The following ING4 variants were observed in gnomAD, a reference collection of about 807,000 sequenced individuals.
ING4 encodes inhibitor of growth family member 4, also known as inhibitor of growth protein 4.
In ING4, 28 loss-of-function variants were observed where a neutral mutation model predicts 33.1. The observed-to-expected ratio is 0.85, with a 90% CI of 0.63 to 1.16. ING4 has a LOEUF of 1.16. ING4 is among the 50% of genes most tolerant of loss of function. The pLI is 0.00. For synonymous variants in ING4, 87 were observed against 104.4 expected (o/e 0.83, Z 1.02); for missense variants, 247 against 314.7 (o/e 0.78, Z 1.63).
At chr12:6,656,892 G>T in intron 1 of ING4, 94 bp from the exon 2 acceptor site, 1 of 726,898 alleles carries the variant, frequency 1.4e-6, no homozygotes, top group Non-Finnish European at 2.2e-6. Context: ...GGTGGCTCAC[G>T]CCTGCAATCC....
intron 1 of ING4, among the ~76,000 whole-genome samples, chr12:6,660,143 A>C (rs1457768099): frequency 6.6e-6 from 1 of 152,090 alleles, no homozygotes; most frequent in Non-Finnish European, 1.5e-5. Context: ...ATCTCTTGCC[A>C]AGACTCCACC....
intron 2 of ING4, chr12:6,655,637 C>T: frequency 4.4e-6 from 5 of 1,144,580 alleles, no homozygotes. Context: ...CTGGTTCTCA[C>T]CATTCGGCAG....
rs1444528495 is a variant in ING4 at position 6,656,656 on chromosome 12, G to A, written c.109+71C>T. 18 of 863,424 alleles carry A rather than the reference G, an allele frequency of 2.1e-5. 1 individual carries two copies. Among genetic ancestry groups the A allele is most frequent in the Middle Eastern group, 2.2e-4 (1 of 4,586 alleles). 53.5% of individuals were successfully genotyped at this position (863,424 alleles called of 1,614,324 possible). On this transcript the variant is annotated intron_variant, in intron 2 of 7. Transcript: ENST00000341550. ...TCTCCAGATCATACCAGATGATACG[G>A]TAACATCAAGTAGAAAAATAAATGA...
chr12:6,661,832 C>G (rs146215840), intron 1 of ING4, among the ~76,000 whole-genome samples: 1 of 152,302 alleles, frequency 6.6e-6, no homozygotes, highest in African/African-American at 2.4e-5. Flanking sequence ...CTAAATACTT[C>G]TGTAACTCCC....
At chr12:6,652,579 C>A (rs940646597) in intron 5 of ING4, 83 bp downstream of exon 5, 3 of 1,398,032 alleles carry the variant, frequency 2.1e-6, no homozygotes, top group Non-Finnish European at 3.0e-6. Context: ...ATATAGAAAG[C>A]GGCAGGGGGC....
Position 6,653,265 on chromosome 12 carries a change from C to T in ING4, c.241G>A (p.Asp81Asn), listed in dbSNP as rs746690936. The T allele has an allele frequency of 7.4e-6, 12 of 1,614,150 alleles. No homozygotes were observed. The East Asian group carries it at 1.3e-4, about 18-fold the overall frequency. Residue 81 changes from aspartate (D) to asparagine (N), a missense_variant, in exon 3 of 8, where the codon GAC becomes AAC. Asp to Asn is a conservative substitution (Grantham distance 23). Around this residue, in one of 3 missense-constraint regions of ING4, gnomAD observed 198 missense variants for 221.2 expected, o/e 0.89. Transcript: ENST00000341550. Reference protein sequence around the residue: ...AYGKCKEFGDDKVQLAMQTYE... With the variant: ...AYGKCKEFGDNKVQLAMQTYE... ...GTCTGCATGGCAAGCTGCACCTTGT[C>T]GTCACCAAATTCCTTGCACTTGCCA...
intron 1 of ING4, among the ~76,000 whole-genome samples, chr12:6,660,686 A>G (rs569785620): frequency 1.1e-4 from 16 of 152,208 alleles, no homozygotes; most frequent in African/African-American, 3.9e-4. Flanking sequence ...TAAACCTACA[A>G]CTTCAGGTCT....
At chr12:6,657,197 C>T (rs958222039) in intron 1 of ING4, among the ~76,000 whole-genome samples, 1 of 151,926 alleles carries the variant, frequency 6.6e-6, no homozygotes, top group Non-Finnish European at 1.5e-5. Context: ...CACCTGTAAT[C>T]CCAGCACTTT....
rs781235583 is a variant in ING4 at position 6,652,955 on chromosome 12, A to C, written c.372T>G (p.Ser124=). 12 of 1,613,406 alleles carry C rather than the reference A, an allele frequency of 7.4e-6. No individual in the cohort carries two copies. In the South Asian group the frequency reaches 8.8e-5, roughly 12 times the overall value. Reference sequence around the variant, plus strand: ...CCTCACTCTTTTTGCCTTTGCTGGAAGAGCTGTCATAGTCACTTGACTCAA... The same window carrying C: ...CCTCACTCTTTTTGCCTTTGCTGGACGAGCTGTCATAGTCACTTGACTCAA... ...KQIESSDYDS[S]SSKGKKSRTQ... is the part of the protein sequence containing the mutation. Residue 124 remains serine, a synonymous_variant, in exon 4 of 8, where the codon TCT becomes TCG. Transcript: ENST00000341550.
intron 2 of ING4, among the ~76,000 whole-genome samples, chr12:6,656,171 CTTT>C (rs199755461): frequency 7.1e-5 from 10 of 141,020 alleles, no homozygotes; most frequent in Admixed American, 2.9e-4. Flanking sequence ...TTTAATTCTT[CTTT>C]TTTTTTTTTT....
intron 2 of ING4, chr12:6,655,542 C>T: frequency 1.0e-6 from 1 of 997,716 alleles, no homozygotes; most frequent in South Asian, 2.8e-5. Context: ...TTGGAAGAAG[C>T]TGAAAAAGCA....
intron 5 of ING4, 80 bp downstream of exon 5, chr12:6,652,582 C>T: frequency 7.0e-7 from 1 of 1,419,198 alleles, no homozygotes; most frequent in Non-Finnish European, 9.9e-7. Context: ...TAGAAAGCGG[C>T]AGGGGGCGGT....
intron 6 of ING4, 28 bp downstream of exon 6, chr12:6,652,243 C>G (rs760710150): frequency 6.2e-7 from 1 of 1,608,660 alleles, no homozygotes; most frequent in Non-Finnish European, 8.5e-7. Context: ...CCTCACAACC[C>G]CCCATCCTAA....
In ING4 at chr12:6,653,289, C is replaced by T; in HGVS notation, c.217G>A (p.Gly73Ser). Residue 73 changes from glycine (G) to serine (S), a missense_variant, in exon 3 of 8, where the codon GGC becomes AGC. Around this residue, in one of 3 missense-constraint regions of ING4, gnomAD observed 198 missense variants for 221.2 expected, o/e 0.89. Coordinates refer to ENST00000341550, the MANE Select transcript of ING4 (RefSeq NM_016162.4). ...ALLKQIQEAYGKCKEFGDDKV... is the reference protein window; with the variant it reads ...ALLKQIQEAYSKCKEFGDDKV... ...TCGTCACCAAATTCCTTGCACTTGC[C>T]ATAGGCTTCCTGGATCTGTTTGAGA... 1.2e-6 allele frequency: 2 copies of T among 1,614,124 alleles called. No homozygotes were observed. Among genetic ancestry groups the T allele is most frequent in the Non-Finnish European group, 1.7e-6 (2 of 1,180,036 alleles).
chr12:6,660,014 A>T (rs1451386908), intron 1 of ING4, among the ~76,000 whole-genome samples: 1 of 152,224 alleles, frequency 6.6e-6, no homozygotes, highest in African/African-American at 2.4e-5. Flanking sequence ...CCCAGGCCGA[A>T]CATGGCTATC....
At chr12:6,651,516 C>A in intron 6 of ING4, 131 bp from the exon 7 acceptor site, 1 of 710,298 alleles carries the variant, frequency 1.4e-6, no homozygotes, top group Non-Finnish European at 2.4e-6. Flanking sequence ...AGTCCCAAGG[C>A]CAACCAGTTC....
At chr12:6,652,583 A>AG in intron 5 of ING4, 79 bp downstream of exon 5, 1 of 1,420,478 alleles carries the variant, frequency 7.0e-7, no homozygotes, top group Non-Finnish European at 9.9e-7. Flanking sequence ...AGAAAGCGGC[A>AG]GGGGGCGGTG....
intron 1 of ING4, 152 bp from the exon 2 acceptor site, chr12:6,656,950 C>T (rs1407575255): frequency 5.9e-6 from 3 of 505,524 alleles, no homozygotes; most frequent in Non-Finnish European, 1.0e-5. Context: ...GCCAGGAGTT[C>T]AAGACCAGCC....
rs1320341283 is a variant in ING4 at position 6,651,217 on chromosome 12, G to A, written c.725C>T (p.Ser242Phe). 5.6e-6 allele frequency: 9 copies of A among 1,614,234 alleles called. No individual in the cohort carries two copies. The highest frequency in any genetic ancestry group is 7.6e-6 in the Non-Finnish European group (9 of 1,180,036). Residue 242 changes from serine to phenylalanine, a missense_variant, in exon 8 of 8, where the codon TCC becomes TTC. Ser to Phe is a radical substitution (Grantham distance 155, BLOSUM62 -2). Around this residue, in one of 3 missense-constraint regions of ING4, gnomAD observed 38 missense variants for 49.7 expected, o/e 0.77. Coordinates refer to ENST00000341550, the MANE Select transcript of ING4 (RefSeq NM_016162.4). ...PRGKWFCPRCSQERKKK is the reference protein window; with the variant it reads ...PRGKWFCPRCFQERKKK ...TATCTATTTCTTCTTCCGTTCTTGGGAGCAGCGTGGGCAAAACCTGAAACA... is the reference window on the plus strand; with the variant it reads ...TATCTATTTCTTCTTCCGTTCTTGGAAGCAGCGTGGGCAAAACCTGAAACA...
Sources: gnomAD v4.1 joint callset for allele counts (sites outside exome capture counted in the v4.1 genomes callset) on GRCh38, gnomAD v4.1.1 for gene constraint, gnomAD v4.1.1 regional missense constraint, MANE v1.5 for transcripts, NCBI Gene and HGNC (gene_info 2026-07-23, HGNC 2026-07-21) for gene names.